Variants in HS3ST5 observed in about 807,000 individuals in gnomAD.
HS3ST5 encodes the protein heparan sulfate-glucosamine 3-sulfotransferase 5.
Under a neutral mutation model 25.4 loss-of-function variants are expected in HS3ST5, and 10 were observed. That is an observed-to-expected ratio of 0.39 (90% CI 0.24 to 0.67). The LOEUF is 0.67. Ranked by LOEUF, HS3ST5 falls within the 30% of genes least tolerant of loss-of-function variation. HS3ST5 has a pLI of 0.44. For missense variants in HS3ST5, 324 were observed against 420.7 expected, an observed-to-expected ratio of 0.77 and a Z score of 2.01; for synonymous variants, 170 against 162.4, an observed-to-expected ratio of 1.05 and a Z score of -0.36.
intron 3 of HS3ST5, among the ~76,000 whole-genome samples, chr6:114,069,761 A>G (rs930588621): frequency 6.6e-6 from 1 of 152,064 alleles, no homozygotes; most frequent in Non-Finnish European, 1.5e-5. Flanking sequence ...AGTTCAGGCA[A>G]TCCACCAGCC....
At chr6:114,061,009 C>T in intron 4 of HS3ST5, among the ~76,000 whole-genome samples, 1 of 152,044 alleles carries the variant, frequency 6.6e-6, no homozygotes, top group East Asian at 1.9e-4. Context: ...GGAGAGTGGG[C>T]CTAAATAAGC....
At chr6:114,296,002 T>C (rs73767407) in intron 1 of HS3ST5, among the ~76,000 whole-genome samples, 336 of 152,318 alleles carry the variant, frequency 2.2e-3, no homozygotes, top group African/African-American at 7.7e-3. Flanking sequence ...TACAGAATGT[T>C]CTAAAATAGG....
intron 2 of HS3ST5, among the ~76,000 whole-genome samples, chr6:114,171,784 T>C (rs777777935): frequency 2.6e-5 from 4 of 152,162 alleles, no homozygotes; most frequent in Non-Finnish European, 4.4e-5. Flanking sequence ...AACTGTGAGA[T>C]GCTTGTAACC....
intron 3 of HS3ST5, among the ~76,000 whole-genome samples, chr6:114,065,771 A>C (rs1429523702): frequency 6.6e-6 from 1 of 152,152 alleles, no homozygotes; most frequent in African/African-American, 2.4e-5. Flanking sequence ...ATAAAGGAAA[A>C]ATGTTCTTGC....
chr6:114,290,622 AT>A (rs974254306), intron 1 of HS3ST5, among the ~76,000 whole-genome samples: 3 of 151,944 alleles, frequency 2.0e-5, no homozygotes, highest in South Asian at 2.1e-4. Context: ...ACTACTATGA[AT>A]TTTTTTTAAT....
intron 2 of HS3ST5, among the ~76,000 whole-genome samples, chr6:114,208,693 G>A (rs953339671): frequency 2.6e-5 from 4 of 152,124 alleles, no homozygotes; most frequent in African/African-American, 9.7e-5. Context: ...TGCATTGTAG[G>A]AAAGAAACAT....
chr6:114,169,465 C>T (rs1049048594), intron 2 of HS3ST5, among the ~76,000 whole-genome samples: 1 of 152,152 alleles, frequency 6.6e-6, no homozygotes, highest in African/African-American at 2.4e-5. Flanking sequence ...CTTCACCTCA[C>T]AACCCCAATA....
At chr6:114,301,160 T>G (rs1197181238) in intron 1 of HS3ST5, among the ~76,000 whole-genome samples, 4 of 152,144 alleles carry the variant, frequency 2.6e-5, no homozygotes, top group Non-Finnish European at 5.9e-5. Flanking sequence ...ATAGGTGAAT[T>G]TTATGGTATG....
At chr6:114,255,830 A>G (rs952328618) in intron 1 of HS3ST5, among the ~76,000 whole-genome samples, 2 of 151,960 alleles carry the variant, frequency 1.3e-5, no homozygotes, top group African/African-American at 4.8e-5. Context: ...ACATAGCACA[A>G]AATCATTTTT....
chr6:114,181,210 T>C (rs1463644989), intron 2 of HS3ST5, among the ~76,000 whole-genome samples: 1 of 152,160 alleles, frequency 6.6e-6, no homozygotes, highest in Non-Finnish European at 1.5e-5. Context: ...AGACTCAAGG[T>C]GACAAACTTG....
chr6:114,271,226 T>C lies in HS3ST5; in HGVS notation c.-338-42448A>G, dbSNP rs964109707. ...TGATTTCTGCTGCTCAGTTCTGGTG[T>C]ATGTTGTTTCTCAATTGATCATGGA... On this transcript the variant is annotated intron_variant, in intron 1 of 4. Coordinates refer to ENST00000312719, the MANE Select transcript of HS3ST5 (RefSeq NM_153612.4). 3.9e-5 allele frequency among the ~76,000 whole-genome samples: 6 copies of C among 152,146 alleles called. No homozygotes were observed. In the East Asian group the frequency reaches 1.2e-3, roughly 29 times the overall value.
chr6:114,091,294 A>G (rs1210013654), intron 3 of HS3ST5, among the ~76,000 whole-genome samples: 1 of 152,196 alleles, frequency 6.6e-6, no homozygotes, highest in African/African-American at 2.4e-5. Flanking sequence ...AAACAGTTTG[A>G]TTAAAGCCAC....
At chr6:114,215,602 G>A (rs1223378029) in intron 2 of HS3ST5, among the ~76,000 whole-genome samples, 5 of 151,850 alleles carry the variant, frequency 3.3e-5, no homozygotes, top group African/African-American at 1.2e-4. Context: ...TTTGCCTTTT[G>A]TATGTTGTCA....
At chr6:114,205,545 C>T (rs1226750114) in intron 2 of HS3ST5, among the ~76,000 whole-genome samples, 2 of 152,146 alleles carry the variant, frequency 1.3e-5, no homozygotes, top group African/African-American at 2.4e-5. Context: ...ATTTCATAGG[C>T]ATGATTGATG....
intron 3 of HS3ST5, among the ~76,000 whole-genome samples, chr6:114,101,962 TACC>T (rs1381424043): frequency 6.6e-6 from 1 of 152,078 alleles, no homozygotes; most frequent in Non-Finnish European, 1.5e-5. Context: ...GAAAACCAAA[TACC>T]ACATGTTCTC....
chr6:114,067,801 A>G (rs1368452869), intron 3 of HS3ST5, among the ~76,000 whole-genome samples: 1 of 152,164 alleles, frequency 6.6e-6, no homozygotes, highest in Non-Finnish European at 1.5e-5. Flanking sequence ...CTCAACTAAC[A>G]TGAGTGAACC....
intron 1 of HS3ST5, among the ~76,000 whole-genome samples, chr6:114,278,352 TA>T (rs1773957071): frequency 6.6e-6 from 1 of 152,022 alleles, no homozygotes; most frequent in South Asian, 2.1e-4. Flanking sequence ...GCCTTAAGGT[TA>T]CATTTTCTGC....
intron 3 of HS3ST5, among the ~76,000 whole-genome samples, chr6:114,125,505 A>G (rs968636913): frequency 2.6e-5 from 4 of 152,212 alleles, no homozygotes; most frequent in African/African-American, 9.6e-5. Context: ...AGGTTCTTAA[A>G]TATTCAGAAG....
intron 4 of HS3ST5, among the ~76,000 whole-genome samples, chr6:114,060,030 T>C (rs1022083020): frequency 2.2e-5 from 2 of 90,516 alleles, no homozygotes; most frequent in South Asian, 2.7e-4. Context: ...TCTTTTTTTT[T>C]TGAGACGGAG....
Sources: gnomAD v4.1 joint callset for allele counts (sites outside exome capture counted in the v4.1 genomes callset) on GRCh38, gnomAD v4.1.1 for gene constraint, MANE v1.5 for transcripts, NCBI Gene and HGNC (gene_info 2026-07-23, HGNC 2026-07-21) for gene names.